CTNND2: variants seen among roughly 807,000 people sequenced by gnomAD.
CTNND2 encodes the protein catenin delta-2.
CTNND2 carries 22 observed loss-of-function variants against 144.4 expected under a neutral mutation model. That is an observed-to-expected ratio of 0.15 (90% CI 0.11 to 0.22). The LOEUF (loss-of-function observed/expected upper bound fraction) is 0.22. CTNND2 is among the 10% of genes least tolerant of loss of function. CTNND2 has a pLI of 1.00. For missense variants in CTNND2, 1,353 were observed against 1,618.8 expected, an observed-to-expected ratio of 0.84 and a Z score of 2.82; for synonymous variants, 751 against 695.6, an observed-to-expected ratio of 1.08 and a Z score of -1.25.
At chr5:11,430,791 G>C (rs949803489) in intron 3 of CTNND2, among the ~76,000 whole-genome samples, 1 of 152,146 alleles carries the variant, frequency 6.6e-6, no homozygotes, top group African/African-American at 2.4e-5. Context: ...GAACAGAAAT[G>C]CCAGTATTTA....
At chr5:11,412,692 CAG>C (rs926004027) in intron 3 of CTNND2, among the ~76,000 whole-genome samples, 5 of 152,102 alleles carry the variant, frequency 3.3e-5, no homozygotes, top group African/African-American at 1.2e-4. Flanking sequence ...GTATAGGTAA[CAG>C]ATTTATTTTG....
chr5:11,544,946 A>T (rs906068760), intron 3 of CTNND2, among the ~76,000 whole-genome samples: 4 of 151,938 alleles, frequency 2.6e-5, no homozygotes, highest in African/African-American at 9.7e-5. Context: ...ATGAAACCCC[A>T]TCCCTACTAA....
intron 3 of CTNND2, among the ~76,000 whole-genome samples, chr5:11,477,371 C>A (rs1269510851): frequency 2.9e-5 from 4 of 137,578 alleles, no homozygotes; most frequent in Non-Finnish European, 6.2e-5. Context: ...TTTATGAATA[C>A]ACATCACCTA....
chr5:11,842,947 G>GA (rs952691573), intron 1 of CTNND2, among the ~76,000 whole-genome samples: 1 of 152,052 alleles, frequency 6.6e-6, no homozygotes, highest in Non-Finnish European at 1.5e-5. Flanking sequence ...AGGTACAGCA[G>GA]TTTTTTTCAA....
chr5:11,729,351 T>C (rs1039259064), intron 2 of CTNND2, among the ~76,000 whole-genome samples: 2 of 152,186 alleles, frequency 1.3e-5, no homozygotes, highest in Non-Finnish European at 2.9e-5. Flanking sequence ...AAAACACAAA[T>C]GCTAATCAAT....
At chr5:11,754,371 T>C (rs1202100969) in intron 1 of CTNND2, among the ~76,000 whole-genome samples, 1 of 151,384 alleles carries the variant, frequency 6.6e-6, no homozygotes, top group Non-Finnish European at 1.5e-5. Flanking sequence ...CTGATATGTT[T>C]TATCTTTGTT....
rs148644320 is a variant in CTNND2 at position 11,350,644 on chromosome 5, T to C, written c.1373-4017A>G. Among the ~76,000 whole-genome samples, 439 of 152,190 alleles carry C rather than the reference T, an allele frequency of 2.9e-3. 3 individuals are homozygous for C. The highest frequency in any genetic ancestry group is 9.9e-3 in the African/African-American group (413 of 41,546). ...TCAAAATATAAAACCTCAAGCCAAATTGGTGCTGTTATAGTAAAATAAGTT... is the reference window on the plus strand; with the variant it reads ...TCAAAATATAAAACCTCAAGCCAAACTGGTGCTGTTATAGTAAAATAAGTT... On this transcript the variant is annotated intron_variant, in intron 8 of 21. Transcript: ENST00000304623.
chr5:11,323,815 G>A (rs258835), intron 9 of CTNND2, among the ~76,000 whole-genome samples: 97,702 of 151,950 alleles, frequency 0.64, 32,068 homozygotes, highest in East Asian at 0.79. Flanking sequence ...GGGACATAAA[G>A]CTGAGCAGGT....
At position 11,816,635 on chromosome 5, in the gene CTNND2, G is replaced by A. The variant is rs115686595; in HGVS notation, c.38-84363C>T. ...AGAGAGAGAGAGGGAAGAGGGAGAG[G>A]GGGGGAAGAGAGAGAGAGAGAGAGA... On this transcript the variant is annotated intron_variant, in intron 1 of 21. Coordinates refer to ENST00000304623, the MANE Select transcript of CTNND2 (RefSeq NM_001332.4). Among the ~76,000 whole-genome samples the A allele has an allele frequency of 5.7e-3, 214 of 37,742 alleles. 10 individuals are homozygous for A. The East Asian group carries it at 0.12, about 21-fold the overall frequency. 24.8% of individuals were successfully genotyped at this position (37,742 alleles called of 152,430 possible).
At chr5:11,109,961 G>A (rs2149683251) in intron 14 of CTNND2, among the ~76,000 whole-genome samples, 1 of 152,272 alleles carries the variant, frequency 6.6e-6, no homozygotes, top group Admixed American at 6.5e-5. Context: ...GTACGCACCT[G>A]TTTTTATATT....
At chr5:11,336,576 A>T (rs964751553) in intron 9 of CTNND2, among the ~76,000 whole-genome samples, 2 of 152,200 alleles carry the variant, frequency 1.3e-5, no homozygotes, top group Non-Finnish European at 2.9e-5. Context: ...ATTAACAAAC[A>T]TGTGCTTATG....
rs548811125 is a variant in CTNND2 at position 11,199,679 on chromosome 5, A to G, written c.1762-18T>C. ...CTCCTTATCTGAAAGAGCAAAGGAC[A>G]CCACTTTTGCTTTACAGTGTAAGGT... On this transcript the variant is annotated intron_variant, in intron 10 of 21. Coordinates refer to ENST00000304623, the MANE Select transcript of CTNND2 (RefSeq NM_001332.4). 2 of 1,596,540 alleles carry G rather than the reference A, an allele frequency of 1.3e-6. No individual in the cohort carries two copies. Among genetic ancestry groups the G allele is most frequent in the Non-Finnish European group, 1.7e-6 (2 of 1,165,194 alleles).
At chr5:11,636,843 T>C (rs904351592) in intron 2 of CTNND2, among the ~76,000 whole-genome samples, 3 of 152,180 alleles carry the variant, frequency 2.0e-5, no homozygotes, top group Non-Finnish European at 4.4e-5. Flanking sequence ...GGAGAACACA[T>C]AAATATTGAG....
At position 11,434,386 on chromosome 5, in the gene CTNND2, G is replaced by A. The variant is rs187552440; in HGVS notation, c.288-22317C>T. Among the ~76,000 whole-genome samples, 78 of 152,246 alleles carry A rather than the reference G, an allele frequency of 5.1e-4. 1 individual carries two copies. The East Asian group carries it at 8.1e-3, about 16-fold the overall frequency. ...GAAACCAACTTCCTGGGAAGACAGC[G>A]TAATATTCTATATCTTGACAGAGGT... is the stretch of plus-strand genomic sequence containing the variant. On this transcript the variant is annotated intron_variant, in intron 3 of 21. Transcript: ENST00000304623.
intron 1 of CTNND2, among the ~76,000 whole-genome samples, chr5:11,737,163 G>C (rs182641561): frequency 1.3e-5 from 2 of 152,222 alleles, no homozygotes; most frequent in Non-Finnish European, 2.9e-5. Context: ...TGCCAGGCTG[G>C]TCCAGCCTAC....
chr5:11,175,760 T>C (rs1271522081), intron 11 of CTNND2, among the ~76,000 whole-genome samples: 3 of 152,038 alleles, frequency 2.0e-5, no homozygotes, highest in Non-Finnish European at 4.4e-5. Flanking sequence ...TTCCTAAAAC[T>C]TGGATCGCTG....
At chr5:11,110,439 A>G (rs1411589414) in intron 14 of CTNND2, among the ~76,000 whole-genome samples, 1 of 152,198 alleles carries the variant, frequency 6.6e-6, no homozygotes, top group African/African-American at 2.4e-5. Context: ...GATTAAATAC[A>G]TGATGGATCT....
chr5:11,024,288 A>C (rs546272958), intron 16 of CTNND2, among the ~76,000 whole-genome samples: 1 of 152,310 alleles, frequency 6.6e-6, no homozygotes, highest in Non-Finnish European at 1.5e-5. Flanking sequence ...AATTACTGAA[A>C]TAGAAAAGTG....
At position 11,217,355 on chromosome 5, in the gene CTNND2, C is replaced by T. The variant is rs553612657; in HGVS notation, c.1762-17694G>A. Among the ~76,000 whole-genome samples the T allele has an allele frequency of 3.8e-4, 58 of 152,308 alleles. 1 individual carries two copies. The South Asian group carries it at 0.012, about 32-fold the overall frequency. On this transcript the variant is annotated intron_variant, in intron 10 of 21. Coordinates refer to ENST00000304623, the MANE Select transcript of CTNND2 (RefSeq NM_001332.4). ...TGTCCTGTTAACATTAACTTTCCCACAAACCAGGGAGGAAGGAGGTGGCTT... is the reference window on the plus strand; with the variant it reads ...TGTCCTGTTAACATTAACTTTCCCATAAACCAGGGAGGAAGGAGGTGGCTT...
Sources: gnomAD v4.1 joint callset for allele counts (sites outside exome capture counted in the v4.1 genomes callset) on GRCh38, gnomAD v4.1.1 for gene constraint, MANE v1.5 for transcripts, NCBI Gene and HGNC (gene_info 2026-07-23, HGNC 2026-07-21) for gene names.